The following NFASC variants were observed in gnomAD, a reference collection of about 807,000 sequenced individuals.
NFASC encodes the protein neurofascin homolog.
Under a neutral mutation model 147.5 loss-of-function variants are expected in NFASC, and 43 were observed. The ratio of observed to expected loss-of-function variants is 0.29; its 90% CI spans 0.23 to 0.38. The LOEUF is 0.38. Among genes scored for constraint, NFASC ranks in the 10% least tolerant of loss-of-function variants. The pLI, the probability that NFASC is intolerant of heterozygous loss-of-function variation, is 1.00. For synonymous variants in NFASC, 622 were observed against 665.5 expected (o/e 0.93, Z 1.01); for missense variants, 1,320 against 1,689.0 (o/e 0.78, Z 3.83).
Position 204,970,732 on chromosome 1 carries a change from G to A in NFASC, c.1120G>A (p.Gly374Arg). The change falls in exon 11 of 30, where the codon GGG (glycine) becomes AGG (arginine). Residue 374 changes from glycine to arginine, a missense_variant. Gly to Arg is a moderately radical substitution (Grantham distance 125). This residue lies in a region of NFASC where 981 missense variants were observed against 1,289.5 expected (regional missense o/e 0.76). Coordinates refer to ENST00000339876, the MANE Select transcript of NFASC (RefSeq NM_001005388.3). ...PKPTVQWMVNGEPLQSAPPNP... is the reference protein window; with the variant it reads ...PKPTVQWMVNREPLQSAPPNP... ...ACCCACTGTCCAGTGGATGGTGAAT[G>A]GGGAACCTTTGCAATGTAAGTAGCG... 1 of 1,614,200 alleles carries A rather than the reference G, an allele frequency of 6.2e-7. No homozygotes were observed.
At chr1:204,921,547 G>C (rs1018778629) in intron 2 of NFASC, among the ~76,000 whole-genome samples, 6 of 152,224 alleles carry the variant, frequency 3.9e-5, no homozygotes, top group Non-Finnish European at 7.4e-5. Context: ...GTTGGAGCTG[G>C]GGGGAGGGGC....
intron 2 of NFASC, among the ~76,000 whole-genome samples, chr1:204,935,496 A>G (rs868525608): frequency 5.9e-5 from 9 of 152,322 alleles, no homozygotes; most frequent in Middle Eastern, 3.4e-3. Flanking sequence ...GAACGTATTC[A>G]GCTTTCCTGG....
At chr1:204,866,363 A>G (rs1291879612) in intron 1 of NFASC, among the ~76,000 whole-genome samples, 5 of 152,202 alleles carry the variant, frequency 3.3e-5, no homozygotes, top group African/African-American at 1.2e-4. Context: ...GGAGTTGGAT[A>G]TGATTCCAGT....
chr1:204,985,792 G>A, intron 21 of NFASC: 4 of 675,234 alleles, frequency 5.9e-6, no homozygotes, highest in Non-Finnish European at 2.7e-6. Flanking sequence ...GACTGATGAG[G>A]TCATTTGGGA....
At chr1:204,996,419 A>G (rs968270805) in intron 24 of NFASC, among the ~76,000 whole-genome samples, 8 of 152,072 alleles carry the variant, frequency 5.3e-5, no homozygotes, top group African/African-American at 1.9e-4. Context: ...GGGTACCTGG[A>G]CCCAAAGTTC....
chr1:204,848,292 G>A (rs144273137), intron 1 of NFASC, among the ~76,000 whole-genome samples: 2,209 of 152,224 alleles, frequency 0.015, 62 homozygotes, highest in African/African-American at 0.051. Flanking sequence ...GTGCAGTGGC[G>A]CAATTACAGC....
rs183115043 is a variant in NFASC, at chr1:204,981,366, A to T, written c.2248-432A>T. 2.0e-5 allele frequency among the ~76,000 whole-genome samples: 3 copies of T among 152,404 alleles called. No individual in the cohort carries two copies. In the East Asian group the frequency reaches 5.8e-4, roughly 29 times the overall value. On this transcript the variant is annotated intron_variant, in intron 20 of 29. Coordinates refer to ENST00000339876, the MANE Select transcript of NFASC (RefSeq NM_001005388.3). ...GACACACACAAATTCGGTAGAACTA[A>T]AGTCCATTCTGGAATTTTGAGTTCA...
chr1:205,005,456 G>A (rs2096084876), intron 27 of NFASC, among the ~76,000 whole-genome samples: 1 of 152,150 alleles, frequency 6.6e-6, no homozygotes, highest in South Asian at 2.1e-4. Flanking sequence ...AGAGGCGTGG[G>A]GGCCGGACGA....
rs182429594 is a variant in NFASC at position 205,015,948 on chromosome 1, C to G, written c.3492-360C>G. Among the ~76,000 whole-genome samples, 90 of 152,264 alleles carry G rather than the reference C, an allele frequency of 5.9e-4. 1 individual carries two copies. Among genetic ancestry groups the G allele is most frequent in the African/African-American group, 2.1e-3 (88 of 41,564 alleles). ...CACAGTGACACACTCGGGACTAGAACCATTCCATGTGGTCTCACAAGCAGT... is the reference window on the plus strand; with the variant it reads ...CACAGTGACACACTCGGGACTAGAAGCATTCCATGTGGTCTCACAAGCAGT... On this transcript the variant is annotated intron_variant, in intron 29 of 29. Transcript: ENST00000339876. This position sits in a 1 kb window ranked among gnomAD's most constrained non-coding sequence, Gnocchi z 4.0.
intron 1 of NFASC, among the ~76,000 whole-genome samples, chr1:204,845,950 G>A (rs2102587622): frequency 6.6e-6 from 1 of 152,246 alleles, no homozygotes; most frequent in South Asian, 2.1e-4. Context: ...GGAAGGGGCT[G>A]GAATTCGGAA....
intron 5 of NFASC, 47 bp downstream of exon 5, chr1:204,952,163 T>C (rs754347645): frequency 2.8e-6 from 4 of 1,422,666 alleles, no homozygotes; most frequent in Non-Finnish European, 2.0e-6. Flanking sequence ...CGCTTGCCTC[T>C]GGGCCTGATG....
chr1:204,845,792 C>G lies in NFASC; in HGVS notation c.-200+17010C>G, dbSNP rs1456160941. ...GGTGGCACAGCTATAGCCCTAGTTA[C>G]TTGGGAGGCTGAGGCAGGAGGATCG... On this transcript the variant is annotated intron_variant, in intron 1 of 29. Transcript: ENST00000339876. Among the ~76,000 whole-genome samples the G allele has an allele frequency of 5.3e-5, 8 of 152,266 alleles. No individual in the cohort carries two copies. The East Asian group carries it at 1.4e-3, about 26-fold the overall frequency.
At chr1:204,869,040 A>G (rs943037233) in intron 1 of NFASC, among the ~76,000 whole-genome samples, 1 of 152,058 alleles carries the variant, frequency 6.6e-6, no homozygotes, top group African/African-American at 2.4e-5. Flanking sequence ...TATCCTTCCC[A>G]TTCCCTTACA....
chr1:204,831,509 A>G (rs958427471), intron 1 of NFASC, among the ~76,000 whole-genome samples: 1 of 151,706 alleles, frequency 6.6e-6, no homozygotes, highest in Non-Finnish European at 1.5e-5. Flanking sequence ...TCTGATCAGT[A>G]TATTGCAACT....
At chr1:205,002,898 A>G in intron 27 of NFASC, 150 bp downstream of exon 27, 1 of 578,332 alleles carries the variant, frequency 1.7e-6, no homozygotes, top group Non-Finnish European at 2.7e-6. Flanking sequence ...CTTATTATGT[A>G]TCAGCTGAAG....
chr1:204,906,026 A>T (rs2085768792), intron 1 of NFASC, among the ~76,000 whole-genome samples: 1 of 152,172 alleles, frequency 6.6e-6, no homozygotes, highest in Non-Finnish European at 1.5e-5. Context: ...AGCCATATGT[A>T]TTCCTCTTTG....
chr1:204,977,549 G>T (rs897359395), intron 16 of NFASC, 132 bp from the exon 17 acceptor site: 1 of 686,292 alleles, frequency 1.5e-6, no homozygotes. Flanking sequence ...ATGGAAGGAC[G>T]GGGACAGCCC....
At chr1:205,003,573 T>G (rs1023386268) in intron 27 of NFASC, among the ~76,000 whole-genome samples, 4 of 152,126 alleles carry the variant, frequency 2.6e-5, no homozygotes, top group African/African-American at 9.7e-5. Flanking sequence ...GTGGCCGGTA[T>G]GCTAAGCCCT....
Position 204,954,747 on chromosome 1 carries a change from T to C in NFASC, c.413-82T>C. 6.6e-7 allele frequency: 1 copy of C among 1,518,264 alleles called. No homozygotes were observed. Among genetic ancestry groups the C allele is most frequent in the Non-Finnish European group, 9.1e-7 (1 of 1,104,518 alleles). 94.0% of individuals were successfully genotyped at this position (1,518,264 alleles called of 1,614,324 possible). ...AGGTGCCCCTTCTGTTTCTCCTCCT[T>C]GCATGCCTGCCTCTGACCCTGCTCC... On this transcript the variant is annotated intron_variant, in intron 6 of 29. Coordinates refer to ENST00000339876, the MANE Select transcript of NFASC (RefSeq NM_001005388.3). The surrounding 1 kb of genome is among the most constrained non-coding windows in gnomAD (Gnocchi z 5.7).
Sources: gnomAD v4.1 joint callset for allele counts (sites outside exome capture counted in the v4.1 genomes callset) on GRCh38, gnomAD v4.1.1 for gene constraint, gnomAD v4.1.1 regional missense constraint, Gnocchi (gnomAD v3.1) non-coding constraint, MANE v1.5 for transcripts, NCBI Gene and HGNC (gene_info 2026-07-23, HGNC 2026-07-21) for gene names.